Variants in POU6F2 observed in about 807,000 individuals in gnomAD.
The protein encoded by POU6F2 is POU class 6 homeobox 2, also known as POU domain, class 6, transcription factor 2.
A neutral mutation model predicts 71.3 loss-of-function variants in POU6F2; 31 were observed. The observed-to-expected ratio is 0.43, with a 90% CI of 0.33 to 0.59. The LOEUF (loss-of-function observed/expected upper bound fraction) is 0.59. Ranked by LOEUF, POU6F2 falls within the 20% of genes least tolerant of loss-of-function variation. POU6F2 has a pLI of 0.04. For missense variants in POU6F2, 783 were observed against 856.8 expected, an observed-to-expected ratio of 0.91 and a Z score of 1.07; for synonymous variants, 347 against 355.7, an observed-to-expected ratio of 0.98 and a Z score of 0.27.
At chr7:39,176,702 A>G (rs1793337879) in intron 2 of POU6F2, among the ~76,000 whole-genome samples, 2 of 152,216 alleles carry the variant, frequency 1.3e-5, no homozygotes, top group Admixed American at 1.3e-4. Context: ...AAATGCATGC[A>G]TACAAACACA....
intron 4 of POU6F2, among the ~76,000 whole-genome samples, chr7:39,231,824 A>C (rs564025351): frequency 1.6e-4 from 24 of 152,256 alleles, no homozygotes; most frequent in African/African-American, 5.5e-4. Context: ...AAGAAAAAAA[A>C]ATTATTGTAT....
chr7:39,242,031 G>T (rs1783734762), intron 4 of POU6F2, among the ~76,000 whole-genome samples: 1 of 152,082 alleles, frequency 6.6e-6, no homozygotes, highest in Admixed American at 6.6e-5. Flanking sequence ...CATCTATGTT[G>T]TATGTAACAG....
At chr7:38,988,875 G>C (rs894569016) in intron 1 of POU6F2, among the ~76,000 whole-genome samples, 5 of 152,114 alleles carry the variant, frequency 3.3e-5, no homozygotes, top group Admixed American at 6.6e-5. Context: ...CCTGTGGAAA[G>C]TGTCATCTCT....
At chr7:39,461,570 T>A (rs992582058) in intron 9 of POU6F2, among the ~76,000 whole-genome samples, 3 of 152,232 alleles carry the variant, frequency 2.0e-5, no homozygotes, top group Non-Finnish European at 1.5e-5. Flanking sequence ...TGGTGATCCA[T>A]GAAATGCTGT....
intron 2 of POU6F2, among the ~76,000 whole-genome samples, chr7:39,143,547 C>T (rs752584309): frequency 1.1e-4 from 17 of 152,266 alleles, no homozygotes; most frequent in Middle Eastern, 6.8e-3. Context: ...TTTACCCAAA[C>T]AGTGTCTGCT....
intron 2 of POU6F2, among the ~76,000 whole-genome samples, chr7:39,182,134 G>A (rs1179496707): frequency 6.6e-6 from 1 of 151,968 alleles, no homozygotes; most frequent in Non-Finnish European, 1.5e-5. Context: ...TTATAATATT[G>A]ACATTGTAAA....
intron 2 of POU6F2, among the ~76,000 whole-genome samples, chr7:39,195,082 A>T (rs1793757985): frequency 6.6e-6 from 1 of 152,264 alleles, no homozygotes; most frequent in South Asian, 2.1e-4. Flanking sequence ...TGGACACAGT[A>T]GCACATGACA....
In POU6F2 at chr7:39,281,939, C is replaced by T. The variant is rs141947157; in HGVS notation, c.599-57703C>T. On this transcript the variant is annotated intron_variant, in intron 4 of 9. Coordinates refer to ENST00000518318, the MANE Select transcript of POU6F2 (RefSeq NM_001370959.1). ...ACACCAACAGTGTATAAGAGTTCCC[C>T]TTTCTCCACATGATCATGAGCATTC... Among the ~76,000 whole-genome samples the T allele has an allele frequency of 2.2e-3, 341 of 152,200 alleles. 1 individual carries two copies. The highest frequency in any genetic ancestry group is 3.9e-3 in the Non-Finnish European group (268 of 67,936).
intron 6 of POU6F2, among the ~76,000 whole-genome samples, chr7:39,429,744 G>T (rs1788055407): frequency 6.6e-6 from 1 of 152,120 alleles, no homozygotes; most frequent in African/African-American, 2.4e-5. Context: ...TTAGCTTCTG[G>T]GAGCTGGGAA....
intron 1 of POU6F2, among the ~76,000 whole-genome samples, chr7:39,010,490 A>AT (rs1254387342): frequency 6.6e-6 from 1 of 151,342 alleles, no homozygotes; most frequent in African/African-American, 2.4e-5. Context: ...GGATTCATTA[A>AT]TTTTTTGAAG....
rs568943657 is a variant in POU6F2, at chr7:39,183,093, C to T, written c.278-21142C>T. On this transcript the variant is annotated intron_variant, in intron 2 of 9. Coordinates refer to ENST00000518318, the MANE Select transcript of POU6F2 (RefSeq NM_001370959.1). ...CAAGTGAGCATTACTGCTTGAGCTC[C>T]ACCTCCTGTCAGATCAGCAGCTGCA... 3.3e-5 allele frequency among the ~76,000 whole-genome samples: 5 copies of T among 152,280 alleles called. No homozygotes were observed. In the South Asian group the frequency reaches 1.0e-3, roughly 32 times the overall value.
intron 1 of POU6F2, among the ~76,000 whole-genome samples, chr7:39,036,369 C>G (rs1443418083): frequency 6.6e-6 from 1 of 152,110 alleles, no homozygotes; most frequent in Non-Finnish European, 1.5e-5. Context: ...GTAGCACCTT[C>G]AATCTCAGGA....
chr7:39,451,700 C>A lies in POU6F2; in HGVS notation c.1488C>A (p.Ser496Arg). Residue 496 changes from serine (S) to arginine (R), a missense_variant and splice_region_variant, in exon 8 of 10, where the codon AGC becomes AGA. By Grantham distance (110) the Ser-to-Arg change is moderately radical (BLOSUM62 -1). Around this residue, in one of 2 missense-constraint regions of POU6F2, gnomAD observed 572 missense variants for 572.9 expected, o/e 1.00. Coordinates refer to ENST00000518318, the MANE Select transcript of POU6F2 (RefSeq NM_001370959.1). ...SSALSVGQLV[S>R]NPQTAAGEVD... ...CTTTGAGCGTGGGCCAGTTAGTCAGCAGTAAGTATCCTTTCTGGCTCGGTT... is the reference window on the plus strand; with the variant it reads ...CTTTGAGCGTGGGCCAGTTAGTCAGAAGTAAGTATCCTTTCTGGCTCGGTT... 1.3e-6 allele frequency: 2 copies of A among 1,582,396 alleles called. No individual in the cohort carries two copies. The highest frequency in any genetic ancestry group is 2.3e-5 in the East Asian group (1 of 43,128).
intron 4 of POU6F2, among the ~76,000 whole-genome samples, chr7:39,272,990 A>C (rs1784366349): frequency 6.6e-6 from 1 of 152,204 alleles, no homozygotes; most frequent in African/African-American, 2.4e-5. Context: ...TTAGGGAATG[A>C]AAGAAGGGGA....
intron 4 of POU6F2, among the ~76,000 whole-genome samples, chr7:39,275,314 G>C (rs1466306261): frequency 6.6e-6 from 1 of 152,124 alleles, no homozygotes; most frequent in African/African-American, 2.4e-5. Flanking sequence ...GCTTCAAAGA[G>C]AATAAAATAC....
chr7:39,095,422 T>G (rs958002967), intron 2 of POU6F2, among the ~76,000 whole-genome samples: 19 of 152,312 alleles, frequency 1.2e-4, no homozygotes, highest in African/African-American at 4.3e-4. Context: ...AAGGAATTAA[T>G]GTCTACAGCT....
intron 8 of POU6F2, among the ~76,000 whole-genome samples, chr7:39,453,374 G>A (rs1251110905): frequency 6.6e-6 from 1 of 152,082 alleles, no homozygotes; most frequent in African/African-American, 2.4e-5. Flanking sequence ...ATAAGTTTCT[G>A]CAAAATACTC....
chr7:39,064,601 A>G (rs1286542371), intron 1 of POU6F2, among the ~76,000 whole-genome samples: 1 of 151,978 alleles, frequency 6.6e-6, no homozygotes, highest in Non-Finnish European at 1.5e-5. Flanking sequence ...TGAGGTAATC[A>G]AAATAAGATC....
chr7:39,173,958 C>T (rs1037250906), intron 2 of POU6F2, among the ~76,000 whole-genome samples: 4 of 152,212 alleles, frequency 2.6e-5, no homozygotes, highest in Non-Finnish European at 4.4e-5. Context: ...ATATTCCAGC[C>T]TCAGCATGGA....
Sources: allele counts gnomAD v4.1 joint callset (sites outside exome capture counted in the v4.1 genomes callset), GRCh38; gene constraint gnomAD v4.1.1; regional missense constraint gnomAD v4.1.1; transcripts MANE v1.5; gene names NCBI Gene and HGNC (gene_info 2026-07-23, HGNC 2026-07-21).